The following EMCN variants were observed in gnomAD, a reference collection of about 807,000 sequenced individuals.
The protein encoded by EMCN is MUC-14.
A neutral mutation model predicts 38.4 loss-of-function variants in EMCN; 37 were observed. The observed-to-expected ratio is 0.96, with a 90% CI of 0.74 to 1.27. The LOEUF (loss-of-function observed/expected upper bound fraction) is 1.27, where lower values mean the gene tolerates loss of function less well. Ranked by LOEUF, EMCN falls within the 50% of genes most tolerant of loss-of-function variation. The pLI is 0.00. For synonymous variants in EMCN, 95 were observed against 100.8 expected, an observed-to-expected ratio of 0.94 and a Z score of 0.35; for missense variants, 318 against 302.8, an observed-to-expected ratio of 1.05 and a Z score of -0.37.
chr4:100,453,470 A>T (rs2110249540), intron 4 of EMCN, among the ~76,000 whole-genome samples: 2 of 152,354 alleles, frequency 1.3e-5, no homozygotes, highest in Middle Eastern at 6.8e-3. Flanking sequence ...AACCACAATG[A>T]GATACCATCT....
At chr4:100,441,258 A>G (rs1261726368) in intron 5 of EMCN, among the ~76,000 whole-genome samples, 1 of 152,222 alleles carries the variant, frequency 6.6e-6, no homozygotes. Flanking sequence ...TTATCATTAA[A>G]TAATGACATT....
Position 100,415,952 on chromosome 4 carries a change from A to G in EMCN, c.697T>C (p.Ser233Pro). The change falls in exon 10 of 12, where the codon TCT becomes CCT. Residue 233 changes from serine (S) to proline (P), a missense_variant. Transcript: ENST00000296420. ...AGAAGCTTCACGCTCTCTTTATCAG[A>G]CTGAGGTCTATTTGAAAAAAAAAAC... Reference protein sequence around the residue: ...TPENGNDQPQSDKESVKLLTV... With the variant: ...TPENGNDQPQPDKESVKLLTV... 1 of 1,588,342 alleles carries G rather than the reference A, an allele frequency of 6.3e-7. No homozygotes were observed. Among genetic ancestry groups the G allele is most frequent in the Non-Finnish European group, 8.6e-7 (1 of 1,169,212 alleles).
At chr4:100,439,842 C>T (rs1587548) in intron 5 of EMCN, among the ~76,000 whole-genome samples, 42,316 of 151,796 alleles carry the variant, frequency 0.28, 7,478 homozygotes, top group Non-Finnish European at 0.4. Context: ...TATTGTTTGT[C>T]TCAAGATATT....
chr4:100,408,464 C>A (rs935490501), intron 11 of EMCN, among the ~76,000 whole-genome samples: 1 of 152,128 alleles, frequency 6.6e-6, no homozygotes, highest in Non-Finnish European at 1.5e-5. Flanking sequence ...AGTTCTTGTC[C>A]TTGGTTTTAC....
At chr4:100,463,656 C>G (rs1403732601) in intron 4 of EMCN, among the ~76,000 whole-genome samples, 1 of 152,072 alleles carries the variant, frequency 6.6e-6, no homozygotes, top group Non-Finnish European at 1.5e-5. Flanking sequence ...GAGTCAATCC[C>G]CACTCCCATC....
intron 4 of EMCN, among the ~76,000 whole-genome samples, chr4:100,459,342 A>T (rs547532643): frequency 6.6e-6 from 1 of 152,028 alleles, no homozygotes; most frequent in East Asian, 1.9e-4. Flanking sequence ...TGATGTTTTG[A>T]GATATACATG....
intron 11 of EMCN, among the ~76,000 whole-genome samples, chr4:100,400,424 T>C (rs1346185853): frequency 6.6e-6 from 1 of 152,054 alleles, no homozygotes; most frequent in African/African-American, 2.4e-5. Context: ...TCTAAGAAAT[T>C]TGCCACTAAA....
chr4:100,480,347 C>A (rs1241605644), intron 1 of EMCN, among the ~76,000 whole-genome samples: 1 of 151,890 alleles, frequency 6.6e-6, no homozygotes, highest in African/African-American at 2.4e-5. Context: ...CGAAACTAAC[C>A]TTGCCAGATG....
At chr4:100,471,791 A>G (rs1047863481) in intron 3 of EMCN, among the ~76,000 whole-genome samples, 5 of 152,066 alleles carry the variant, frequency 3.3e-5, no homozygotes, top group Non-Finnish European at 7.4e-5. Flanking sequence ...AGAAATCAAT[A>G]TCATATGCCA....
chr4:100,504,222 C>G (rs1468312857), intron 1 of EMCN, among the ~76,000 whole-genome samples: 1 of 152,158 alleles, frequency 6.6e-6, no homozygotes, highest in Non-Finnish European at 1.5e-5. Context: ...GTGATCCTTA[C>G]AGTTGGAAGG....
intron 1 of EMCN, among the ~76,000 whole-genome samples, chr4:100,488,687 C>T (rs1729000759): frequency 6.6e-6 from 1 of 152,106 alleles, no homozygotes; most frequent in South Asian, 2.1e-4. Context: ...AAATAGTCTA[C>T]AGTATTGCAC....
intron 1 of EMCN, among the ~76,000 whole-genome samples, chr4:100,498,106 C>T (rs1729257113): frequency 6.6e-6 from 1 of 151,620 alleles, no homozygotes; most frequent in South Asian, 2.1e-4. Flanking sequence ...AGAAGAGAAA[C>T]TAATGTGAGT....
intron 5 of EMCN, among the ~76,000 whole-genome samples, chr4:100,442,290 T>C (rs1210815938): frequency 6.6e-6 from 1 of 152,206 alleles, no homozygotes; most frequent in African/African-American, 2.4e-5. Context: ...ACATGTGATT[T>C]GATGCTTTTC....
At chr4:100,498,773 A>G (rs1729276225) in intron 1 of EMCN, among the ~76,000 whole-genome samples, 1 of 152,234 alleles carries the variant, frequency 6.6e-6, no homozygotes, top group Non-Finnish European at 1.5e-5. Context: ...TCTACATTTA[A>G]ACATTTAATG....
intron 5 of EMCN, 131 bp downstream of exon 5, chr4:100,447,401 AT>A (rs1164445409): frequency 2.0e-5 from 13 of 662,092 alleles, no homozygotes; most frequent in African/African-American, 1.4e-4. Flanking sequence ...TTTTCTAAAC[AT>A]TTTATTTGTG....
intron 2 of EMCN, among the ~76,000 whole-genome samples, chr4:100,476,970 T>G (rs1272665464): frequency 6.6e-6 from 1 of 152,162 alleles, no homozygotes; most frequent in Non-Finnish European, 1.5e-5. Context: ...TCCAAGAATG[T>G]TTTTAAAATT....
chr4:100,453,561 T>G (rs1578203920), intron 4 of EMCN, among the ~76,000 whole-genome samples: 1 of 152,126 alleles, frequency 6.6e-6, no homozygotes. Context: ...GGAACACTTT[T>G]ACACTGTTGG....
chr4:100,494,064 C>G (rs536551448), intron 1 of EMCN, among the ~76,000 whole-genome samples: 19 of 152,274 alleles, frequency 1.2e-4, no homozygotes, highest in African/African-American at 4.6e-4. Context: ...CCCAGTTTCT[C>G]CACATTGGAT....
At chr4:100,475,845 T>G (rs1728632486) in intron 2 of EMCN, among the ~76,000 whole-genome samples, 1 of 151,626 alleles carries the variant, frequency 6.6e-6, no homozygotes, top group Admixed American at 6.6e-5. Context: ...GCCCGGCTAA[T>G]TTTTTTGTAT....
Sources: gnomAD v4.1 joint callset for allele counts (sites outside exome capture counted in the v4.1 genomes callset) on GRCh38, gnomAD v4.1.1 for gene constraint, MANE v1.5 for transcripts, NCBI Gene and HGNC (gene_info 2026-07-23, HGNC 2026-07-21) for gene names.